The following NEGR1 variants were observed in gnomAD, a reference collection of about 807,000 sequenced individuals.
NEGR1 encodes the protein IgLON family member 4.
In NEGR1, 10 loss-of-function variants were observed where a neutral mutation model predicts 40.9. The observed-to-expected ratio is 0.24, with a 90% confidence interval of 0.15 to 0.42. The LOEUF (loss-of-function observed/expected upper bound fraction) is 0.42, where lower values mean the gene tolerates loss of function less well. Among genes scored for constraint, NEGR1 ranks in the 10% least tolerant of loss-of-function variants. The probability of loss-of-function intolerance (pLI) is 1.00; values close to 1 mark genes in which losing one functional copy is unlikely to be tolerated. For missense variants in NEGR1, 352 were observed against 438.9 expected, an observed-to-expected ratio of 0.80 and a Z score of 1.77; for synonymous variants, 185 against 166.8, an observed-to-expected ratio of 1.11 and a Z score of -0.84.
intron 6 of NEGR1, among the ~76,000 whole-genome samples, chr1:71,469,001 G>A (rs1159751079): frequency 3.3e-5 from 5 of 151,932 alleles, no homozygotes; most frequent in African/African-American, 7.2e-5. Context: ...AAAAACTGCC[G>A]CTAACCTGAA....
At chr1:71,834,123 C>T (rs1055841641) in intron 2 of NEGR1, among the ~76,000 whole-genome samples, 47 of 152,186 alleles carry the variant, frequency 3.1e-4, no homozygotes, top group African/African-American at 1.1e-3. Context: ...GATGTGAAGC[C>T]ACCTACATTG....
At chr1:71,955,313 A>G (rs1052589366) in intron 1 of NEGR1, among the ~76,000 whole-genome samples, 5 of 152,146 alleles carry the variant, frequency 3.3e-5, no homozygotes, top group Non-Finnish European at 5.9e-5. Flanking sequence ...ATAGAACAGG[A>G]AGTCAAATAA....
intron 1 of NEGR1, among the ~76,000 whole-genome samples, chr1:72,159,164 A>G (rs1651465822): frequency 1.3e-5 from 2 of 152,164 alleles, no homozygotes; most frequent in Non-Finnish European, 2.9e-5. Context: ...CGGTTTTAAA[A>G]TCTATGCAGG....
intron 1 of NEGR1, among the ~76,000 whole-genome samples, chr1:72,172,316 T>C (rs1309158833): frequency 6.6e-6 from 1 of 152,160 alleles, no homozygotes; most frequent in Non-Finnish European, 1.5e-5. Context: ...TGGCAGCTAC[T>C]TCCATTTGCC....
rs1646228792 is a variant in NEGR1 at position 71,398,919 on chromosome 1, A to G, written c.*8527T>C. On this transcript the variant is annotated 3_prime_UTR_variant, in exon 7 of 7. Transcript: ENST00000357731. ...GTTTTATAAGGGGGAGTTTATCTGC[A>G]CAAGCTCTTTTCTCTTGTCTGCTGC... 1.3e-5 allele frequency: 2 copies of G among 152,252 alleles called. No homozygotes were observed. Among genetic ancestry groups the G allele is most frequent in the African/African-American group, 2.4e-5 (1 of 41,434 alleles). 9.4% of individuals were successfully genotyped at this position (152,252 alleles called of 1,614,324 possible).
At chr1:72,187,021 T>A (rs1652636687) in intron 1 of NEGR1, among the ~76,000 whole-genome samples, 1 of 151,568 alleles carries the variant, frequency 6.6e-6, no homozygotes, top group Admixed American at 6.6e-5. Flanking sequence ...CTTTTTTTCC[T>A]TTGCTTCAAA....
At chr1:72,215,174 G>T (rs541577645) in intron 1 of NEGR1, among the ~76,000 whole-genome samples, 5 of 152,054 alleles carry the variant, frequency 3.3e-5, no homozygotes, top group African/African-American at 1.2e-4. Flanking sequence ...GCAGAAAATA[G>T]AAACTGGACC....
intron 2 of NEGR1, among the ~76,000 whole-genome samples, chr1:71,894,997 T>C (rs574310897): frequency 6.6e-5 from 10 of 152,300 alleles, no homozygotes; most frequent in East Asian, 1.9e-4. Context: ...TACTAACATT[T>C]ATAGAAAATA....
chr1:72,027,329 A>G (rs1374523084), intron 1 of NEGR1, among the ~76,000 whole-genome samples: 1 of 152,166 alleles, frequency 6.6e-6, no homozygotes, highest in Non-Finnish European at 1.5e-5. Flanking sequence ...TTTTTAGCAC[A>G]TTTTGAGAAA....
intron 1 of NEGR1, among the ~76,000 whole-genome samples, chr1:72,162,523 C>T (rs1343316056): frequency 6.6e-6 from 1 of 151,994 alleles, no homozygotes; most frequent in Non-Finnish European, 1.5e-5. Context: ...GGAAGACTTA[C>T]ACCATTGCCC....
chr1:71,947,529 T>G (rs540893042), intron 1 of NEGR1, among the ~76,000 whole-genome samples: 51 of 152,350 alleles, frequency 3.3e-4, no homozygotes, highest in African/African-American at 1.2e-3. Context: ...ATACACCCTG[T>G]AGATGTATAG....
At chr1:71,621,399 T>C (rs1337285629) in intron 4 of NEGR1, among the ~76,000 whole-genome samples, 2 of 151,884 alleles carry the variant, frequency 1.3e-5, no homozygotes, top group Non-Finnish European at 2.9e-5. Flanking sequence ...ACTGTGGTGG[T>C]ACATTACTTG....
At chr1:71,707,367 T>C (rs1252355164) in intron 3 of NEGR1, among the ~76,000 whole-genome samples, 3 of 152,172 alleles carry the variant, frequency 2.0e-5, no homozygotes, top group African/African-American at 7.2e-5. Flanking sequence ...CTGAGAGTGC[T>C]CCTCATGGCC....
chr1:72,248,921 T>C (rs1654996858), intron 1 of NEGR1, among the ~76,000 whole-genome samples: 1 of 152,212 alleles, frequency 6.6e-6, no homozygotes. Context: ...TATTGTATTC[T>C]ATAATTTTAA....
intron 4 of NEGR1, among the ~76,000 whole-genome samples, chr1:71,639,892 C>G (rs538849654): frequency 6.6e-6 from 1 of 152,144 alleles, no homozygotes; most frequent in African/African-American, 2.4e-5. Context: ...AATCAGGCCA[C>G]TCTTCTTAAC....
chr1:72,273,258 A>ATTGAGT (rs1655910786), intron 1 of NEGR1, among the ~76,000 whole-genome samples: 2 of 152,028 alleles, frequency 1.3e-5, no homozygotes, highest in African/African-American at 4.8e-5. Flanking sequence ...TTATTCATCC[A>ATTGAGT]TATTAACAGC....
chr1:71,744,748 GA>G (rs957686162), intron 3 of NEGR1, among the ~76,000 whole-genome samples: 1 of 152,002 alleles, frequency 6.6e-6, no homozygotes, highest in African/African-American at 2.4e-5. Flanking sequence ...AGTTTTTTAA[GA>G]AAAAATTTCA....
At chr1:71,532,768 G>A (rs1266381068) in intron 6 of NEGR1, among the ~76,000 whole-genome samples, 1 of 151,478 alleles carries the variant, frequency 6.6e-6, no homozygotes, top group Non-Finnish European at 1.5e-5. Context: ...GCAAGCATGC[G>A]GCCCATAATC....
In NEGR1 at chr1:71,405,157, C is replaced by A. The variant is rs1223260012; in HGVS notation, c.*2289G>T. ...CTGTCACATTCTATGGTAAAAACACCAGACTCCACAAATTTGGAATCATGA... is the reference window on the plus strand; with the variant it reads ...CTGTCACATTCTATGGTAAAAACACAAGACTCCACAAATTTGGAATCATGA... On this transcript the variant is annotated 3_prime_UTR_variant, in exon 7 of 7. Coordinates refer to ENST00000357731, the MANE Select transcript of NEGR1 (RefSeq NM_173808.3). 1 of 152,124 alleles carries A rather than the reference C, an allele frequency of 6.6e-6. No homozygotes were observed. Among genetic ancestry groups the A allele is most frequent in the Non-Finnish European group, 1.5e-5 (1 of 67,772 alleles). 9.4% of individuals were successfully genotyped at this position (152,124 alleles called of 1,614,324 possible).
Sources: gnomAD v4.1 joint callset for allele counts (sites outside exome capture counted in the v4.1 genomes callset) on GRCh38, gnomAD v4.1.1 for gene constraint, MANE v1.5 for transcripts, NCBI Gene and HGNC (gene_info 2026-07-23, HGNC 2026-07-21) for gene names.